RYR3: variants seen among roughly 807,000 people sequenced by gnomAD.
The protein encoded by RYR3 is ryanodine receptor 3.
In RYR3, 207 loss-of-function variants were observed where a neutral mutation model predicts 584.3. The ratio of observed to expected loss-of-function variants is 0.35; its 90% CI spans 0.32 to 0.40. The LOEUF (loss-of-function observed/expected upper bound fraction) is 0.40, where lower values mean the gene tolerates loss of function less well. RYR3 is among the 10% of genes least tolerant of loss of function. The pLI, the probability that RYR3 is intolerant of heterozygous loss-of-function variation, is 1.00. For synonymous variants in RYR3, 2,416 were observed against 2,248.5 expected (o/e 1.07, Z -2.11); for missense variants, 5,616 against 6,089.2 (o/e 0.92, Z 2.59).
At chr15:33,787,754 C>G (rs1389938306) in intron 66 of RYR3, among the ~76,000 whole-genome samples, 1 of 128,372 alleles carries the variant, frequency 7.8e-6, no homozygotes, top group Non-Finnish European at 1.7e-5. Flanking sequence ...GTGCTTTTAA[C>G]AACAGATTGT....
At chr15:33,503,943 A>G (rs138253412) in intron 3 of RYR3, among the ~76,000 whole-genome samples, 1,694 of 152,344 alleles carry the variant, frequency 0.011, 18 homozygotes, top group Non-Finnish European at 0.017. Flanking sequence ...AGCTTCCACC[A>G]GAAAATGGAC....
chr15:33,616,172 A>G (rs2060439111), intron 19 of RYR3, among the ~76,000 whole-genome samples: 1 of 152,198 alleles, frequency 6.6e-6, no homozygotes, highest in African/African-American at 2.4e-5. Context: ...TCATCTGAAA[A>G]AACTACTTAG....
chr15:33,806,600 G>A (rs1240604082), intron 69 of RYR3, among the ~76,000 whole-genome samples: 3 of 152,066 alleles, frequency 2.0e-5, no homozygotes, highest in Non-Finnish European at 4.4e-5. Context: ...AGCAATATGT[G>A]ACAGAACAAA....
intron 1 of RYR3, among the ~76,000 whole-genome samples, chr15:33,442,675 T>G (rs937374714): frequency 8.5e-5 from 13 of 152,346 alleles, no homozygotes; most frequent in African/African-American, 3.1e-4. Flanking sequence ...TATGCCTTCC[T>G]CAAGCCAAAC....
rs187632471 is a variant in RYR3, at chr15:33,588,484, G to T, written c.1788+2368G>T. ...GCTTTTTTTATTTATAAAAAAATAAGGGGTACAAGTGCAATTTTGTTACCT... is the reference window on the plus strand; with the variant it reads ...GCTTTTTTTATTTATAAAAAAATAATGGGTACAAGTGCAATTTTGTTACCT... On this transcript the variant is annotated intron_variant, in intron 16 of 103. Transcript: ENST00000634891. Among the ~76,000 whole-genome samples, 1,236 of 152,176 alleles carry T rather than the reference G, an allele frequency of 8.1e-3. 20 individuals carry two copies. Among genetic ancestry groups the T allele is most frequent in the African/African-American group, 0.028 (1,162 of 41,514 alleles).
At chr15:33,807,988 A>G (rs1444947606) in intron 70 of RYR3, among the ~76,000 whole-genome samples, 3 of 152,328 alleles carry the variant, frequency 2.0e-5, no homozygotes, top group Non-Finnish European at 4.4e-5. Flanking sequence ...TGCATCCTGT[A>G]TAAGGCTCCC....
chr15:33,428,093 G>A (rs551092226), intron 1 of RYR3, among the ~76,000 whole-genome samples: 13 of 152,172 alleles, frequency 8.5e-5, no homozygotes, highest in Non-Finnish European at 1.9e-4. Context: ...TTGAAGGTAA[G>A]GCTTGTGTCT....
chr15:33,463,869 G>A (rs553707681), intron 1 of RYR3, among the ~76,000 whole-genome samples: 4 of 152,266 alleles, frequency 2.6e-5, no homozygotes, highest in African/African-American at 9.6e-5. Flanking sequence ...TAAGCTGTGG[G>A]TGCCTCTTTT....
In RYR3 at chr15:33,825,642, T is replaced by C; in HGVS notation, c.11112T>C (p.Ala3704=). Residue 3704 remains alanine, a synonymous_variant, in exon 82 of 104, where the codon GCT becomes GCC. Coordinates refer to ENST00000634891, the MANE Select transcript of RYR3 (RefSeq NM_001036.6). The part of the protein sequence containing the change: ...DLNAFERQNK[A]EGLGMVTEEG... ...ATGCATTTGAGAGGCAGAATAAAGC[T>C]GAAGGCCTGGGGATGGTGACTGAAG... 7 of 1,612,400 alleles carry C rather than the reference T, an allele frequency of 4.3e-6. No homozygotes were observed. Among genetic ancestry groups the C allele is most frequent in the Non-Finnish European group, 5.9e-6 (7 of 1,178,886 alleles).
In RYR3 at chr15:33,700,965, C is replaced by T. The variant is rs534442587; in HGVS notation, c.6380-12C>T. ...CTGTCCTTTTCTTGCTAATTCTCCC[C>T]TCCTCCCTCAGCCTCCCCGTCGATG... is the stretch of plus-strand genomic sequence containing the variant. On this transcript the variant is annotated splice_polypyrimidine_tract_variant and intron_variant, in intron 41 of 103. Transcript: ENST00000634891. 1.9e-6 allele frequency: 3 copies of T among 1,602,296 alleles called. No homozygotes were observed. The highest frequency in any genetic ancestry group is 2.7e-5 in the African/African-American group (2 of 74,852).
rs1421341355 is a variant in RYR3, at chr15:33,813,591, G to C, written c.10502+12G>C. 6.2e-7 allele frequency: 1 copy of C among 1,608,718 alleles called. No homozygotes were observed. The highest frequency in any genetic ancestry group is 8.5e-7 in the Non-Finnish European group (1 of 1,175,194). On this transcript the variant is annotated intron_variant, in intron 74 of 103. Transcript: ENST00000634891. ...TACAACCTGCCCAGGCAAGTATTTT[G>C]TCTTTTTTCCTGGCATGTAAGCCAG...
intron 1 of RYR3, among the ~76,000 whole-genome samples, chr15:33,422,510 G>A (rs2141621974): frequency 6.6e-6 from 1 of 152,302 alleles, no homozygotes; most frequent in South Asian, 2.1e-4. Context: ...ATAAATCAAG[G>A]TAATGGGCCA....
At chr15:33,759,860 T>C (rs2072253454) in intron 60 of RYR3, among the ~76,000 whole-genome samples, 1 of 151,936 alleles carries the variant, frequency 6.6e-6, no homozygotes, top group African/African-American at 2.4e-5. Context: ...AAGGTTGAAA[T>C]GAAGGAAAAA....
chr15:33,627,521 G>T (rs1368348333), intron 20 of RYR3, among the ~76,000 whole-genome samples: 2 of 152,142 alleles, frequency 1.3e-5, no homozygotes, highest in Admixed American at 1.3e-4. Context: ...TATATGGTGG[G>T]GAGTATTAAT....
chr15:33,731,013 A>G (rs1024200953), intron 47 of RYR3, among the ~76,000 whole-genome samples: 1 of 152,214 alleles, frequency 6.6e-6, no homozygotes, highest in African/African-American at 2.4e-5. Context: ...GCCTATAACC[A>G]TTCACTAATC....
At chr15:33,377,801 T>C (rs980254830) in intron 1 of RYR3, among the ~76,000 whole-genome samples, 7 of 151,998 alleles carry the variant, frequency 4.6e-5, no homozygotes, top group Admixed American at 2.6e-4. Context: ...TCTTTTTTTT[T>C]CCCCCCTTTG....
rs1029009539 is a variant in RYR3, at chr15:33,584,758, G to A, written c.1669+268G>A. Among the ~76,000 whole-genome samples, 22 of 151,388 alleles carry A rather than the reference G, an allele frequency of 1.5e-4. 1 individual carries two copies. Among genetic ancestry groups the A allele is most frequent in the Admixed American group, 9.2e-4 (14 of 15,210 alleles). On this transcript the variant is annotated intron_variant, in intron 15 of 103. Transcript: ENST00000634891. ...TTCCGTGCCTTCATTTTTAATCCTC[G>A]GGTCCATTAATCACCCCCCACCCCC...
intron 31 of RYR3, among the ~76,000 whole-genome samples, chr15:33,650,326 G>A (rs545350674): frequency 9.2e-5 from 14 of 152,210 alleles, no homozygotes; most frequent in African/African-American, 2.9e-4. Flanking sequence ...GCAGTGAGCC[G>A]AGATGGCGCC....
At chr15:33,393,697 G>A (rs893789416) in intron 1 of RYR3, among the ~76,000 whole-genome samples, 2 of 152,154 alleles carry the variant, frequency 1.3e-5, no homozygotes, top group Admixed American at 6.6e-5. Flanking sequence ...CATGTTGGTC[G>A]TTTGGTAAAT....
Sources: gnomAD v4.1 joint callset for allele counts (sites outside exome capture counted in the v4.1 genomes callset) on GRCh38, gnomAD v4.1.1 for gene constraint, MANE v1.5 for transcripts, NCBI Gene and HGNC (gene_info 2026-07-23, HGNC 2026-07-21) for gene names.